PDE11A: variants seen among roughly 807,000 people sequenced by gnomAD.
PDE11A encodes phosphodiesterase 11A, also known as dual 3',5'-cyclic-AMP and -GMP phosphodiesterase 11A.
PDE11A carries 100 observed loss-of-function variants against 100.5 expected under a neutral mutation model. That is an observed-to-expected ratio of 1.00 (90% CI 0.85 to 1.18). PDE11A has a LOEUF of 1.18. Ranked by LOEUF, PDE11A falls within the 50% of genes most tolerant of loss-of-function variation. The probability of loss-of-function intolerance (pLI) is 0.00; values close to 1 mark genes in which losing one functional copy is unlikely to be tolerated. For missense variants in PDE11A, 1,141 were observed against 1,152.6 expected (o/e 0.99, Z 0.15); for synonymous variants, 381 against 420.8 (o/e 0.91, Z 1.16).
At chr2:177,783,377 G>A (rs1271428546) in intron 9 of PDE11A, among the ~76,000 whole-genome samples, 1 of 151,856 alleles carries the variant, frequency 6.6e-6, no homozygotes, top group Admixed American at 6.6e-5. Flanking sequence ...TAGCTCAGTG[G>A]TTAGATTCTA....
chr2:177,949,436 C>T (rs2085480966), intron 2 of PDE11A, among the ~76,000 whole-genome samples: 1 of 152,012 alleles, frequency 6.6e-6, no homozygotes, highest in South Asian at 2.1e-4. Context: ...TCTTTTGTTT[C>T]CTTCATATAC....
intron 5 of PDE11A, among the ~76,000 whole-genome samples, chr2:177,871,413 G>A (rs1322719869): frequency 1.3e-5 from 2 of 152,004 alleles, no homozygotes; most frequent in Non-Finnish European, 2.9e-5. Context: ...AGTTATGCCC[G>A]TGGGAATTCC....
At chr2:177,806,439 C>A (rs959305705) in intron 9 of PDE11A, among the ~76,000 whole-genome samples, 3 of 152,150 alleles carry the variant, frequency 2.0e-5, no homozygotes, top group African/African-American at 7.2e-5. Context: ...TAAAGCATTG[C>A]AGATGGTCAA....
chr2:177,995,457 T>A (rs941474126), intron 2 of PDE11A, among the ~76,000 whole-genome samples: 8 of 152,206 alleles, frequency 5.3e-5, no homozygotes, highest in Non-Finnish European at 1.2e-4. Flanking sequence ...GACACCTGCT[T>A]TGGAATCACA....
chr2:178,094,486 C>T (rs1457402870), intron 2 of PDE11A, among the ~76,000 whole-genome samples: 9 of 152,110 alleles, frequency 5.9e-5, no homozygotes, highest in African/African-American at 1.9e-4. Context: ...GAGCTGAGAT[C>T]GCACCACTGC....
At chr2:177,755,488 TG>T (rs2082078952) in intron 10 of PDE11A, among the ~76,000 whole-genome samples, 1 of 152,226 alleles carries the variant, frequency 6.6e-6, no homozygotes, top group African/African-American at 2.4e-5. Flanking sequence ...CTGCATGTAC[TG>T]TGAAGGACAG....
upstream of PDE11A, among the ~76,000 whole-genome samples, chr2:178,073,372 A>G (rs2087164466): frequency 6.6e-6 from 1 of 152,204 alleles, no homozygotes; most frequent in Admixed American, 6.5e-5. Flanking sequence ...CTTTAACCAA[A>G]TTCATGTACC....
chr2:177,865,732 G>A (rs2084017543), intron 5 of PDE11A, among the ~76,000 whole-genome samples: 1 of 152,206 alleles, frequency 6.6e-6, no homozygotes, highest in Non-Finnish European at 1.5e-5. Context: ...ATTATGTTAA[G>A]TAAAAGAAAC....
intron 2 of PDE11A, among the ~76,000 whole-genome samples, chr2:177,929,839 A>T (rs186233808): frequency 1.3e-5 from 2 of 152,336 alleles, no homozygotes; most frequent in East Asian, 3.9e-4. Flanking sequence ...GACTCTAAAG[A>T]CAGCAATAGG....
chr2:177,957,439 C>T (rs547093800), intron 2 of PDE11A, among the ~76,000 whole-genome samples: 10 of 152,150 alleles, frequency 6.6e-5, no homozygotes, highest in Non-Finnish European at 1.3e-4. Context: ...AAACAAAAAA[C>T]TTCCCCTGGG....
Position 177,947,770 on chromosome 2 carries a change from AT to A in PDE11A, c.1072-42584del, listed in dbSNP as rs752442087. ...ACACCCAAGAATTATCAATAAAAAA[AT>A]AAATTTAAAAAAATAAAAAAATAAA... On this transcript the variant is annotated intron_variant, in intron 2 of 19. Coordinates refer to ENST00000286063, the MANE Select transcript of PDE11A (RefSeq NM_016953.4). Among the ~76,000 whole-genome samples, 265 of 95,972 alleles carry A rather than the reference AT, an allele frequency of 2.8e-3. 1 individual carries two copies. The highest frequency in any genetic ancestry group is 4.7e-3 in the Non-Finnish European group (232 of 49,630). 63.0% of individuals were successfully genotyped at this position (95,972 alleles called of 152,430 possible). A position where few individuals can be genotyped will look rare whatever the true frequency, so the allele number is the denominator to read the frequency against.
intron 9 of PDE11A, among the ~76,000 whole-genome samples, chr2:177,793,487 G>A (rs1237390410): frequency 2.0e-5 from 3 of 147,398 alleles, no homozygotes; most frequent in East Asian, 2.0e-4. Context: ...GGCTGGATGA[G>A]GATGGTGGAT....
At chr2:177,919,839 A>AATATT (rs1197813095) in intron 2 of PDE11A, among the ~76,000 whole-genome samples, 1 of 152,174 alleles carries the variant, frequency 6.6e-6, no homozygotes, top group Non-Finnish European at 1.5e-5. Flanking sequence ...AACAATAGTC[A>AATATT]ATATTAAATG....
At chr2:178,043,922 G>A (rs1339895284) in intron 1 of PDE11A, among the ~76,000 whole-genome samples, 1 of 152,140 alleles carries the variant, frequency 6.6e-6, no homozygotes, top group African/African-American at 2.4e-5. Flanking sequence ...ACTTTGAAGA[G>A]TTAGCAATTT....
chr2:177,670,090 C>T (rs1299215667), intron 17 of PDE11A, among the ~76,000 whole-genome samples: 1 of 152,218 alleles, frequency 6.6e-6, no homozygotes, highest in African/African-American at 2.4e-5. Context: ...CCCCAGGGCA[C>T]ATCCTCTGCT....
At chr2:177,884,613 A>T (rs2084397364) in intron 4 of PDE11A, among the ~76,000 whole-genome samples, 1 of 152,204 alleles carries the variant, frequency 6.6e-6, no homozygotes, top group African/African-American at 2.4e-5. Flanking sequence ...TAGAAGCAGA[A>T]GTGATGGGCC....
At chr2:177,970,427 A>G (rs962909088) in intron 2 of PDE11A, among the ~76,000 whole-genome samples, 2 of 152,092 alleles carry the variant, frequency 1.3e-5, no homozygotes, top group African/African-American at 2.4e-5. Context: ...AGTTAGATAT[A>G]GACATGAGAT....
At chr2:177,955,072 G>A (rs2085545680) in intron 2 of PDE11A, among the ~76,000 whole-genome samples, 1 of 152,124 alleles carries the variant, frequency 6.6e-6, no homozygotes, top group African/African-American at 2.4e-5. Flanking sequence ...TGGTCTCTGT[G>A]ATCAATTCTC....
At chr2:177,913,103 A>G (rs540167822) in intron 2 of PDE11A, among the ~76,000 whole-genome samples, 1 of 152,314 alleles carries the variant, frequency 6.6e-6, no homozygotes, top group South Asian at 2.1e-4. Context: ...GAATTTTATG[A>G]TATATAAAAT....
Sources: gnomAD v4.1 joint callset for allele counts (sites outside exome capture counted in the v4.1 genomes callset) on GRCh38, gnomAD v4.1.1 for gene constraint, MANE v1.5 for transcripts, NCBI Gene and HGNC (gene_info 2026-07-23, HGNC 2026-07-21) for gene names.